CGNL1: variants seen among roughly 807,000 people sequenced by gnomAD.
CGNL1 encodes the protein cingulin like 1.
Under a neutral mutation model 141.2 loss-of-function variants are expected in CGNL1, and 132 were observed. The observed-to-expected ratio is 0.93, with a 90% CI of 0.81 to 1.08. The LOEUF is 1.08. Ranked by LOEUF, CGNL1 falls within the 50% of genes least tolerant of loss-of-function variation. The pLI is 0.00. For synonymous variants in CGNL1, 690 were observed against 622.1 expected, an observed-to-expected ratio of 1.11 and a Z score of -1.63; for missense variants, 1,870 against 1,588.6, an observed-to-expected ratio of 1.18 and a Z score of -3.01.
At chr15:57,502,123 C>T (rs2064033587) in intron 8 of CGNL1, among the ~76,000 whole-genome samples, 1 of 152,118 alleles carries the variant, frequency 6.6e-6, no homozygotes, top group Non-Finnish European at 1.5e-5. Context: ...TTAGTACAAC[C>T]TGCCAGTGAG....
Position 57,521,117 on chromosome 15 carries a change from G to A in CGNL1, c.2716-2372G>A, listed in dbSNP as rs142959309. On this transcript the variant is annotated intron_variant, in intron 10 of 18. Transcript: ENST00000281282. ...AATAGAGTCTCTGTAGCTACAGAGC[G>A]TTTCACTCCTGATACTGTCCACATG... is the stretch of plus-strand genomic sequence containing the variant. 4.6e-3 allele frequency among the ~76,000 whole-genome samples: 698 copies of A among 152,156 alleles called. 7 individuals carry two copies. Among genetic ancestry groups the A allele is most frequent in the African/African-American group, 0.014 (597 of 41,490 alleles).
rs554535923 is a variant in CGNL1 at position 57,458,320 on chromosome 15, G to A, written c.2191-3360G>A. 3.3e-5 allele frequency among the ~76,000 whole-genome samples: 5 copies of A among 152,240 alleles called. 1 individual carries two copies. Among genetic ancestry groups the A allele is most frequent in the Admixed American group, 1.3e-4 (2 of 15,292 alleles). ...TCTTTGATTGAAATAATTAAGCCCC[G>A]AGGTGATGGAGTGAAGTTTATGAAA... On this transcript the variant is annotated intron_variant, in intron 7 of 18. Coordinates refer to ENST00000281282, the MANE Select transcript of CGNL1 (RefSeq NM_032866.5).
At position 57,500,981 on chromosome 15, in the gene CGNL1, T is replaced by C. The variant is rs117794121; in HGVS notation, c.2404-15799T>C. Among the ~76,000 whole-genome samples, 86 of 152,342 alleles carry C rather than the reference T, an allele frequency of 5.6e-4. 5 individuals are homozygous for C. In the East Asian group the frequency reaches 0.016, roughly 28 times the overall value. Reference sequence around the variant, plus strand: ...ATGACACTGCTAAAATAGTGTGTATTAACTATAAAGTATAGAATACATGTG... The same window carrying C: ...ATGACACTGCTAAAATAGTGTGTATCAACTATAAAGTATAGAATACATGTG... On this transcript the variant is annotated intron_variant, in intron 8 of 18. Coordinates refer to ENST00000281282, the MANE Select transcript of CGNL1 (RefSeq NM_032866.5).
In CGNL1 at chr15:57,463,166, T is replaced by G. The variant is rs77940442; in HGVS notation, c.2403+1274T>G. On this transcript the variant is annotated intron_variant, in intron 8 of 18. Coordinates refer to ENST00000281282, the MANE Select transcript of CGNL1 (RefSeq NM_032866.5). ...CTCCTTTAAGGGCAGTTGAGAATAG[T>G]GTTGGGGGATATGTTTGTAGTGATT... 9.3e-3 allele frequency among the ~76,000 whole-genome samples: 1,422 copies of G among 152,238 alleles called. 34 individuals carry two copies. Among genetic ancestry groups the G allele is most frequent in the African/African-American group, 0.031 (1,303 of 41,536 alleles).
intron 7 of CGNL1, among the ~76,000 whole-genome samples, chr15:57,454,445 C>CT (rs1198751434): frequency 6.6e-6 from 1 of 152,208 alleles, no homozygotes; most frequent in African/African-American, 2.4e-5. Flanking sequence ...CTGGAACACT[C>CT]TTTAAGTCTC....
At chr15:57,394,599 T>C (rs2062582355) in intron 1 of CGNL1, among the ~76,000 whole-genome samples, 2 of 152,210 alleles carry the variant, frequency 1.3e-5, no homozygotes, top group Admixed American at 1.3e-4. Flanking sequence ...TGAGCCATTC[T>C]CAAATGTACA....
intron 3 of CGNL1, among the ~76,000 whole-genome samples, chr15:57,441,229 CAG>C (rs1185216890): frequency 8.6e-5 from 13 of 151,472 alleles, no homozygotes; most frequent in Admixed American, 3.3e-4. Context: ...AAATATAAAA[CAG>C]GGGATCTTTT....
chr15:57,444,634 C>T (rs1236816817), intron 4 of CGNL1, among the ~76,000 whole-genome samples: 1 of 152,048 alleles, frequency 6.6e-6, no homozygotes, highest in Non-Finnish European at 1.5e-5. Context: ...CTAATGGTGC[C>T]CCAAGAGATC....
intron 8 of CGNL1, among the ~76,000 whole-genome samples, chr15:57,479,239 A>T (rs1478778981): frequency 1.3e-5 from 2 of 152,166 alleles, no homozygotes; most frequent in Admixed American, 1.3e-4. Context: ...GACCAAGGTG[A>T]GGGTGTGGAG....
intron 8 of CGNL1, among the ~76,000 whole-genome samples, chr15:57,475,456 ACT>A (rs1268587747): frequency 6.7e-6 from 1 of 150,342 alleles, no homozygotes; most frequent in Non-Finnish European, 1.5e-5. Flanking sequence ...CAATCATGTC[ACT>A]CTGAGAAACT....
intron 4 of CGNL1, among the ~76,000 whole-genome samples, chr15:57,449,273 G>A (rs1182192788): frequency 6.6e-6 from 1 of 152,164 alleles, no homozygotes; most frequent in Non-Finnish European, 1.5e-5. Flanking sequence ...AACTTCTTCT[G>A]TGGACCTCTC....
intron 1 of CGNL1, among the ~76,000 whole-genome samples, chr15:57,390,063 G>A (rs2062525642): frequency 6.6e-6 from 1 of 152,214 alleles, no homozygotes; most frequent in Non-Finnish European, 1.5e-5. Flanking sequence ...TGATCCACCT[G>A]CCTTGGCCTT....
In CGNL1 at chr15:57,443,069, T is replaced by C. The variant is rs558992423; in HGVS notation, c.1803+591T>C. ...GTCATAGGCAAACATGGAAGGTAAG[T>C]GTGAACAGGCTTGGACCCAAGCTCT... On this transcript the variant is annotated intron_variant, in intron 4 of 18. Coordinates refer to ENST00000281282, the MANE Select transcript of CGNL1 (RefSeq NM_032866.5). Among the ~76,000 whole-genome samples the C allele has an allele frequency of 4.6e-5, 7 of 152,248 alleles. No individual in the cohort carries two copies. In the East Asian group the frequency reaches 1.2e-3, roughly 25 times the overall value.
chr15:57,509,917 C>T (rs2030102057), intron 8 of CGNL1, among the ~76,000 whole-genome samples: 1 of 152,180 alleles, frequency 6.6e-6, no homozygotes, highest in African/African-American at 2.4e-5. Context: ...GTTTACCACA[C>T]CACCCTTGAC....
chr15:57,523,418 C>T, intron 10 of CGNL1, 71 bp from the exon 11 acceptor site: 7 of 1,446,430 alleles, frequency 4.8e-6, no homozygotes, highest in Non-Finnish European at 5.8e-6. Flanking sequence ...CTATGAAGTT[C>T]CCTGTGCCAC....
At chr15:57,477,512 A>C (rs1003239475) in intron 8 of CGNL1, 3 of 152,220 alleles carry the variant, frequency 2.0e-5, no homozygotes, top group Non-Finnish European at 2.9e-5. Flanking sequence ...AGTTGGGTTT[A>C]TAACTATGAC....
chr15:57,546,349 T>C, intron 18 of CGNL1, 110 bp downstream of exon 18: 2 of 1,316,026 alleles, frequency 1.5e-6, no homozygotes, highest in South Asian at 3.2e-5. Context: ...TCCTCATTGT[T>C]GCTTTTGGGG....
At chr15:57,523,158 C>T (rs753344358) in intron 10 of CGNL1, among the ~76,000 whole-genome samples, 1 of 152,212 alleles carries the variant, frequency 6.6e-6, no homozygotes, top group South Asian at 2.1e-4. Context: ...AACTTGACCT[C>T]GAATTTCAAG....
intron 1 of CGNL1, among the ~76,000 whole-genome samples, chr15:57,394,385 A>G (rs1215077261): frequency 6.6e-6 from 1 of 152,080 alleles, no homozygotes; most frequent in Non-Finnish European, 1.5e-5. Flanking sequence ...TCAGCCTCCC[A>G]AAGTGCTGGG....
Sources: allele counts gnomAD v4.1 joint callset (sites outside exome capture counted in the v4.1 genomes callset), GRCh38; gene constraint gnomAD v4.1.1; transcripts MANE v1.5; gene names NCBI Gene and HGNC (gene_info 2026-07-23, HGNC 2026-07-21).